OR51B5: variants seen among roughly 807,000 people sequenced by gnomAD.
OR51B5 encodes olfactory receptor family 51 subfamily B member 5.
For missense variants in OR51B5, 456 were observed against 374.6 expected, an observed-to-expected ratio of 1.22 and a Z score of -1.79; for synonymous variants, 186 against 144.8, an observed-to-expected ratio of 1.28 and a Z score of -2.04.
At chr11:5,499,550 T>C (rs1335227437) in intron 1 of OR51B5, among the ~76,000 whole-genome samples, 1 of 152,180 alleles carries the variant, frequency 6.6e-6, no homozygotes, top group Admixed American at 6.5e-5. Flanking sequence ...AACAGGGACC[T>C]CAACTAGCAG....
intron 1 of OR51B5, among the ~76,000 whole-genome samples, chr11:5,363,100 G>A (rs377112245): frequency 6.6e-6 from 1 of 152,146 alleles, no homozygotes; most frequent in East Asian, 1.9e-4. Flanking sequence ...ATTCCTCCAT[G>A]AGAGAAAGCT....
At position 5,501,121 on chromosome 11, in the gene OR51B5, G is replaced by T. The variant is rs1445425346; in HGVS notation, n.84+4448C>A. Among the ~76,000 whole-genome samples, 3 of 147,916 alleles carry T rather than the reference G, an allele frequency of 2.0e-5. 1 individual carries two copies. Among genetic ancestry groups the T allele is most frequent in the Non-Finnish European group, 4.5e-5 (3 of 66,114 alleles). On this transcript the variant is annotated intron_variant and non_coding_transcript_variant, in intron 1 of 4. Transcript: ENST00000415970. ...AGTCTAGAACATAGGTGTATGGAGG[G>T]CTGAAAAGCCTGTTAGCTACTATGG...
intron 1 of OR51B5, among the ~76,000 whole-genome samples, chr11:5,460,959 C>T (rs1462806347): frequency 1.3e-5 from 2 of 152,188 alleles, no homozygotes; most frequent in African/African-American, 2.4e-5. Flanking sequence ...CTGGAGGGGC[C>T]AAGGTGCTCC....
chr11:5,383,493 T>C (rs554253832), intron 1 of OR51B5, among the ~76,000 whole-genome samples: 93 of 152,258 alleles, frequency 6.1e-4, no homozygotes, highest in Non-Finnish European at 1.2e-3. Context: ...ACATCCGACC[T>C]CTCTGGAAAA....
chr11:5,382,377 T>G (rs1849621478), intron 1 of OR51B5, among the ~76,000 whole-genome samples: 2 of 152,306 alleles, frequency 1.3e-5, no homozygotes, highest in South Asian at 2.1e-4. Flanking sequence ...GGCCCTCACC[T>G]GTGGGCCAGG....
At chr11:5,400,281 C>A (rs2133739807) in intron 1 of OR51B5, among the ~76,000 whole-genome samples, 1 of 152,176 alleles carries the variant, frequency 6.6e-6, no homozygotes. Context: ...TCTATTTAGT[C>A]AGGCAATTAA....
At chr11:5,503,609 C>T (rs1846330436) in intron 1 of OR51B5, among the ~76,000 whole-genome samples, 1 of 152,130 alleles carries the variant, frequency 6.6e-6, no homozygotes, top group Non-Finnish European at 1.5e-5. Context: ...CCAATGGTAT[C>T]TTGCAATGTC....
intron 1 of OR51B5, among the ~76,000 whole-genome samples, chr11:5,496,727 C>T (rs1234919037): frequency 6.6e-6 from 1 of 152,158 alleles, no homozygotes; most frequent in African/African-American, 2.4e-5. Flanking sequence ...AGTGGAGTTT[C>T]CCCCATCATA....
At chr11:5,402,278 G>A (rs547929183) in intron 1 of OR51B5, among the ~76,000 whole-genome samples, 2 of 152,250 alleles carry the variant, frequency 1.3e-5, no homozygotes, top group East Asian at 3.9e-4. Flanking sequence ...GCCTCCCAAA[G>A]TGCTGGAATT....
intron 1 of OR51B5, among the ~76,000 whole-genome samples, chr11:5,413,656 T>A (rs1165298746): frequency 6.6e-6 from 1 of 152,040 alleles, no homozygotes; most frequent in East Asian, 1.9e-4. Flanking sequence ...CAGGAGCCAA[T>A]GCAATCAACT....
chr11:5,396,736 G>A (rs4421770), intron 1 of OR51B5, among the ~76,000 whole-genome samples: 57,758 of 151,362 alleles, frequency 0.38, 12,737 homozygotes, highest in Non-Finnish European at 0.5. Flanking sequence ...AAAAGAGCCC[G>A]CATCGCCAAG....
chr11:5,352,484 C>A, intron 1 of OR51B5: 1 of 1,293,844 alleles, frequency 7.7e-7, no homozygotes, highest in South Asian at 1.3e-5. Context: ...ATTCAGGGGA[C>A]CTGGACAGGA....
intron 1 of OR51B5, among the ~76,000 whole-genome samples, chr11:5,430,144 A>T (rs76131528): frequency 0.016 from 2,511 of 152,320 alleles, 28 homozygotes; most frequent in Middle Eastern, 0.031. Context: ...GCTAAGGAAA[A>T]CAGATGTAAA....
At chr11:5,462,191 G>A (rs574277231) in intron 1 of OR51B5, among the ~76,000 whole-genome samples, 69 of 152,312 alleles carry the variant, frequency 4.5e-4, no homozygotes, top group Middle Eastern at 3.4e-3. Context: ...GGGTAGGTTG[G>A]TGAGGAGAGA....
At chr11:5,391,584 T>C (rs1447340969) in intron 1 of OR51B5, 1 of 152,238 alleles carries the variant, frequency 6.6e-6, no homozygotes, top group Non-Finnish European at 1.5e-5. Flanking sequence ...AGAAGTTCTC[T>C]TCTTGTCTCG....
At chr11:5,352,712 T>C (rs902299861) in intron 1 of OR51B5, among the ~76,000 whole-genome samples, 4 of 151,870 alleles carry the variant, frequency 2.6e-5, no homozygotes, top group African/African-American at 9.7e-5. Flanking sequence ...TAACTCACAT[T>C]GTTTGATTAG....
At chr11:5,405,207 C>T (rs886877796) in intron 1 of OR51B5, among the ~76,000 whole-genome samples, 9 of 152,068 alleles carry the variant, frequency 5.9e-5, no homozygotes, top group African/African-American at 2.2e-4. Context: ...TCATCACTTC[C>T]TATAGCAACT....
At chr11:5,460,928 C>T (rs544990564) in intron 1 of OR51B5, among the ~76,000 whole-genome samples, 19 of 152,340 alleles carry the variant, frequency 1.2e-4, no homozygotes, top group African/African-American at 3.4e-4. Flanking sequence ...TCTGGCCTTT[C>T]GAGGTCAAGC....
intron 1 of OR51B5, among the ~76,000 whole-genome samples, chr11:5,359,182 A>C (rs1244357432): frequency 1.3e-5 from 2 of 151,860 alleles, no homozygotes; most frequent in African/African-American, 4.8e-5. Context: ...GTATTCAATT[A>C]GGAAAAGAGG....
Sources: allele counts gnomAD v4.1 joint callset (sites outside exome capture counted in the v4.1 genomes callset), GRCh38; gene constraint gnomAD v4.1.1; transcripts MANE v1.5; gene names NCBI Gene and HGNC (gene_info 2026-07-23, HGNC 2026-07-21).